SLC16A2: variants seen among roughly 807,000 people sequenced by gnomAD.
The protein encoded by SLC16A2 is monocarboxylate transporter 8.
A neutral mutation model predicts 27.2 loss-of-function variants in SLC16A2; 3 were observed. That is an observed-to-expected ratio of 0.11 (90% confidence interval 0.05 to 0.28). The LOEUF is 0.28. Ranked by LOEUF, SLC16A2 falls within the 10% of genes least tolerant of loss-of-function variation. SLC16A2 has a pLI of 1.00. For synonymous variants in SLC16A2, 202 were observed against 187.8 expected (o/e 1.08, Z -0.62); for missense variants, 295 against 458.5 (o/e 0.64, Z 3.26).
intron 1 of SLC16A2, among the ~76,000 whole-genome samples, chrX:74,512,398 G>A (rs1301238935): frequency 8.9e-6 from 1 of 112,199 alleles, no homozygotes; most frequent in Non-Finnish European, 1.9e-5. Context: ...ACTGTACTGT[G>A]CATCTTGTCA....
intron 1 of SLC16A2, among the ~76,000 whole-genome samples, chrX:74,431,160 C>T (rs1193371174): frequency 1.8e-5 from 2 of 112,812 alleles, no homozygotes; most frequent in South Asian, 3.6e-4. Context: ...ATGACACATG[C>T]TTGTATATGT....
At chrX:74,430,433 G>C (rs776049740) in intron 1 of SLC16A2, among the ~76,000 whole-genome samples, 2 of 111,692 alleles carry the variant, frequency 1.8e-5, no homozygotes, top group East Asian at 5.7e-4. Context: ...AAAAAGAGAT[G>C]ACCAAGAAGT....
chrX:74,465,155 C>T (rs990675488), intron 1 of SLC16A2, among the ~76,000 whole-genome samples: 1 of 111,919 alleles, frequency 8.9e-6, no homozygotes, highest in Admixed American at 9.5e-5. Context: ...CCAGTACTCC[C>T]CAAGGAAATG....
At chrX:74,493,568 T>A (rs955052701) in intron 1 of SLC16A2, among the ~76,000 whole-genome samples, 2 of 112,362 alleles carry the variant, frequency 1.8e-5, no homozygotes, top group Non-Finnish European at 3.8e-5. Context: ...AGAAGAACCC[T>A]GCCCTCTTGC....
chrX:74,514,767 A>G (rs867198647), intron 1 of SLC16A2, among the ~76,000 whole-genome samples: 27 of 111,929 alleles, frequency 2.4e-4, no homozygotes, highest in Admixed American at 6.6e-4. Context: ...CCAGGAAGAT[A>G]TAAAAAGAAG....
At chrX:74,523,227 C>A (rs1037483544) in intron 2 of SLC16A2, among the ~76,000 whole-genome samples, 5 of 112,035 alleles carry the variant, frequency 4.5e-5, no homozygotes, top group African/African-American at 1.6e-4. Flanking sequence ...CTTTCAAAAC[C>A]AAATCCTTGC....
chrX:74,426,368 A>C (rs745391546), intron 1 of SLC16A2, among the ~76,000 whole-genome samples: 2 of 111,977 alleles, frequency 1.8e-5, no homozygotes, highest in East Asian at 5.6e-4. Context: ...CATGACTGAT[A>C]CTGAAAGGGA....
At chrX:74,468,084 T>TA (rs1208391113) in intron 1 of SLC16A2, among the ~76,000 whole-genome samples, 2 of 111,920 alleles carry the variant, frequency 1.8e-5, no homozygotes, top group East Asian at 5.6e-4. Flanking sequence ...GTTAAACTTT[T>TA]AAAAAAATAG....
chrX:74,425,851 G>A (rs1302641906), intron 1 of SLC16A2, among the ~76,000 whole-genome samples: 1 of 111,882 alleles, frequency 8.9e-6, no homozygotes, highest in African/African-American at 3.2e-5. Flanking sequence ...TGTTTTACTG[G>A]GCAGTTTATA....
Position 74,524,782 on chromosome X carries a change from T to C in SLC16A2, c.999T>C (p.Leu333=). Residue 333 remains leucine (L), a synonymous_variant, in exon 3 of 6, where the codon CTT becomes CTC. Coordinates refer to ENST00000587091, the MANE Select transcript of SLC16A2 (RefSeq NM_006517.5). Reference sequence around the variant, plus strand: ...CCTTCGGAATTGCTGCTGCTGCCCTTGGCTACTTTGTTCCCTATGTACACC... The same window carrying C: ...CCTTCGGAATTGCTGCTGCTGCCCTCGGCTACTTTGTTCCCTATGTACACC... ...IWAFGIAAAA[L]GYFVPYVHLM... The C allele has an allele frequency of 8.3e-7, 1 of 1,210,360 alleles. No individual in the cohort carries two copies.
intron 1 of SLC16A2, among the ~76,000 whole-genome samples, chrX:74,444,020 C>A (rs1928798838): frequency 1.8e-5 from 2 of 110,953 alleles, no homozygotes; most frequent in South Asian, 7.6e-4. Flanking sequence ...GGGGCAGGGG[C>A]AGGAGGAGGT....
chrX:74,499,251 T>C (rs1392063038), intron 1 of SLC16A2, among the ~76,000 whole-genome samples: 1 of 110,248 alleles, frequency 9.1e-6, no homozygotes, highest in Non-Finnish European at 1.9e-5. Context: ...TTGGTCAATC[T>C]AACAAGAATC....
At chrX:74,515,567 G>T (rs1344860549) in intron 1 of SLC16A2, among the ~76,000 whole-genome samples, 3 of 111,300 alleles carry the variant, frequency 2.7e-5, no homozygotes, top group African/African-American at 9.8e-5. Context: ...ATCCCAAAGA[G>T]AATAAACTCA....
intron 1 of SLC16A2, among the ~76,000 whole-genome samples, chrX:74,436,042 G>A (rs1404545653): frequency 1.8e-5 from 2 of 111,456 alleles, no homozygotes; most frequent in African/African-American, 6.5e-5. Flanking sequence ...GAGTGGTGAG[G>A]TTGTGAGTGG....
chrX:74,479,609 G>T (rs948009356), intron 1 of SLC16A2, among the ~76,000 whole-genome samples: 3 of 111,798 alleles, frequency 2.7e-5, no homozygotes, highest in Non-Finnish European at 3.8e-5. Context: ...CCCCATGTTT[G>T]TGGTTTTATC....
At chrX:74,492,955 G>A (rs1253306565) in intron 1 of SLC16A2, among the ~76,000 whole-genome samples, 1 of 112,015 alleles carries the variant, frequency 8.9e-6, no homozygotes, top group Non-Finnish European at 1.9e-5. Flanking sequence ...CTCTTGCTCA[G>A]CTATAGACAG....
chrX:74,448,958 G>A lies in SLC16A2; in HGVS notation c.430+26891G>A, dbSNP rs778212920. On this transcript the variant is annotated intron_variant, in intron 1 of 5. Transcript: ENST00000587091. ...CCTTCATGCCCGCATCTTTAGCTGT[G>A]CTTATCACTCTCATAGCACTGTGTT... Among the ~76,000 whole-genome samples, 17 of 111,622 alleles carry A rather than the reference G, an allele frequency of 1.5e-4. No individual in the cohort carries two copies. In the South Asian group the frequency reaches 6.5e-3, roughly 43 times the overall value.
At chrX:74,482,185 C>G (rs1433244588) in intron 1 of SLC16A2, among the ~76,000 whole-genome samples, 1 of 111,303 alleles carries the variant, frequency 9.0e-6, no homozygotes, top group Non-Finnish European at 1.9e-5. Context: ...TGGAATTCCT[C>G]TTATATGTGA....
chrX:74,486,750 A>G lies in SLC16A2; in HGVS notation c.431-34240A>G, dbSNP rs768045796. ...CCATTACTGGGTATATACCCAAAAG[A>G]TTACAAATCATGCTGCTATAAAGAC... is the stretch of plus-strand genomic sequence containing the variant. On this transcript the variant is annotated intron_variant, in intron 1 of 5. Transcript: ENST00000587091. Among the ~76,000 whole-genome samples the G allele has an allele frequency of 1.9e-4, 21 of 112,385 alleles. 1 individual carries two copies. The South Asian group carries it at 7.8e-3, about 42-fold the overall frequency.
Sources: gnomAD v4.1 joint callset for allele counts (sites outside exome capture counted in the v4.1 genomes callset) on GRCh38, gnomAD v4.1.1 for gene constraint, MANE v1.5 for transcripts, NCBI Gene and HGNC (gene_info 2026-07-23, HGNC 2026-07-21) for gene names.